The following NAV2 variants were observed in gnomAD, a reference collection of about 807,000 sequenced individuals.
NAV2 encodes the protein neuron navigator 2, also known as helicase, APC down-regulated 1.
In NAV2, 54 loss-of-function variants were observed where a neutral mutation model predicts 223.2. That is an observed-to-expected ratio of 0.24 (90% CI 0.19 to 0.30). NAV2 has a LOEUF of 0.30. Ranked by LOEUF, NAV2 falls within the 10% of genes least tolerant of loss-of-function variation. NAV2 has a pLI of 1.00. For missense variants in NAV2, 2,806 were observed against 3,147.5 expected (o/e 0.89, Z 2.60); for synonymous variants, 1,279 against 1,239.3 (o/e 1.03, Z -0.67).
chr11:19,407,240 G>T (rs1265969848), intron 1 of NAV2, among the ~76,000 whole-genome samples: 1 of 152,194 alleles, frequency 6.6e-6, no homozygotes. Flanking sequence ...AAACAAGGCA[G>T]CCCCTGCCTC....
At position 19,939,689 on chromosome 11, in the gene NAV2, A is replaced by T; in HGVS notation, c.2062A>T (p.Thr688Ser). 6.2e-7 allele frequency: 1 copy of T among 1,614,126 alleles called. No individual in the cohort carries two copies. The highest frequency in any genetic ancestry group is 1.1e-5 in the South Asian group (1 of 91,076). ...RSQTDTEGNV[T>S]AESSSTGVSV... The stretch of plus-strand genomic sequence containing the variant: ...TCAGACGGACACTGAAGGGAATGTT[A>T]CTGCCGAGTCAAGCTCAACAGGTGT... Residue 688 changes from threonine (T) to serine (S), a missense_variant, in exon 8 of 38, where the codon ACT becomes TCT. By Grantham distance (58) the Thr-to-Ser change is moderately conservative. Transcript: ENST00000349880.
intron 12 of NAV2, 106 bp from the exon 13 acceptor site, chr11:20,043,875 A>AT (rs1655720792): frequency 1.0e-6 from 1 of 986,448 alleles, no homozygotes; most frequent in Non-Finnish European, 1.5e-6. Context: ...AGTAATGCTT[A>AT]TTTTTCCCTT....
chr11:19,418,078 C>G (rs759839777), intron 1 of NAV2, among the ~76,000 whole-genome samples: 3 of 152,100 alleles, frequency 2.0e-5, no homozygotes, highest in African/African-American at 4.8e-5. Context: ...TGTAACAAAC[C>G]TGCATGTTCT....
At chr11:19,830,191 C>T (rs1347754712) in intron 1 of NAV2, among the ~76,000 whole-genome samples, 1 of 152,174 alleles carries the variant, frequency 6.6e-6, no homozygotes, top group Non-Finnish European at 1.5e-5. Context: ...CGCCACTGCA[C>T]TCCAGGCTGG....
chr11:19,446,692 A>G (rs1851596228), intron 1 of NAV2, among the ~76,000 whole-genome samples: 1 of 152,198 alleles, frequency 6.6e-6, no homozygotes, highest in Admixed American at 6.5e-5. Context: ...AGTCATCATT[A>G]ATGCAAACAG....
intron 1 of NAV2, among the ~76,000 whole-genome samples, chr11:19,412,986 G>C (rs566820959): frequency 3.3e-4 from 51 of 152,250 alleles, no homozygotes; most frequent in African/African-American, 1.1e-3. Context: ...GCACAAAAAG[G>C]CTGAAAATTC....
chr11:19,457,476 G>A (rs1291347779), intron 1 of NAV2, among the ~76,000 whole-genome samples: 1 of 152,218 alleles, frequency 6.6e-6, no homozygotes, highest in East Asian at 1.9e-4. Flanking sequence ...GGGCTGGGAA[G>A]AGGGATGGAG....
intron 1 of NAV2, among the ~76,000 whole-genome samples, chr11:19,736,278 T>A (rs2052293176): frequency 6.6e-6 from 1 of 152,224 alleles, no homozygotes; most frequent in Non-Finnish European, 1.5e-5. Context: ...CAGTTTCCAC[T>A]GCTGCTAGGA....
At chr11:19,498,144 G>T (rs1438050871) in intron 1 of NAV2, among the ~76,000 whole-genome samples, 2 of 152,308 alleles carry the variant, frequency 1.3e-5, no homozygotes, top group East Asian at 3.9e-4. Flanking sequence ...CTGCCCTGAT[G>T]GCTCCAGTCT....
At chr11:19,459,598 G>T (rs1852082814) in intron 1 of NAV2, among the ~76,000 whole-genome samples, 1 of 152,200 alleles carries the variant, frequency 6.6e-6, no homozygotes, top group Non-Finnish European at 1.5e-5. Context: ...TAGGACAGAT[G>T]TTTCCATAGA....
chr11:19,693,232 G>A lies in NAV2; in HGVS notation c.76-139252G>A, dbSNP rs922563492. On this transcript the variant is annotated intron_variant, in intron 1 of 37. Coordinates refer to the NAV2 transcript ENST00000360655. ...CTCTCACCCTCCACAGGGTCCCCTC[G>A]TGATGGGATGGGAGGGGATGCTGTG... Among the ~76,000 whole-genome samples, 6 of 152,244 alleles carry A rather than the reference G, an allele frequency of 3.9e-5. No homozygotes were observed. In the South Asian group the frequency reaches 6.2e-4, roughly 16 times the overall value.
intron 1 of NAV2, among the ~76,000 whole-genome samples, chr11:19,513,162 G>A (rs767272361): frequency 3.3e-5 from 5 of 152,188 alleles, no homozygotes; most frequent in Non-Finnish European, 5.9e-5. Context: ...TGCAGCAATG[G>A]TGATGTTATT....
chr11:19,411,745 T>C (rs1291801649), intron 1 of NAV2, among the ~76,000 whole-genome samples: 3 of 152,046 alleles, frequency 2.0e-5, no homozygotes, highest in Admixed American at 6.5e-5. Flanking sequence ...ATCCAAGAGA[T>C]GGAAGGAGAA....
At position 19,399,644 on chromosome 11, in the gene NAV2, A is replaced by G. The variant is rs534667229; in HGVS notation, c.75+48617A>G. ...TGGCAGACCCTGTGCTAAGTACTTA[A>G]TGTGTATTATGTCATTGATCCTCAA... On this transcript the variant is annotated intron_variant, in intron 1 of 37. Coordinates refer to the NAV2 transcript ENST00000360655. 9.8e-5 allele frequency among the ~76,000 whole-genome samples: 15 copies of G among 152,318 alleles called. No individual in the cohort carries two copies. The South Asian group carries it at 3.1e-3, about 32-fold the overall frequency.
chr11:20,079,925 G>A, intron 24 of NAV2, 139 bp from the exon 25 acceptor site: 1 of 812,682 alleles, frequency 1.2e-6, no homozygotes, highest in Non-Finnish European at 1.9e-6. Context: ...AGAAACAGCT[G>A]TAGGGATCAG....
chr11:19,592,436 T>C (rs1358755671), intron 1 of NAV2, among the ~76,000 whole-genome samples: 1 of 152,170 alleles, frequency 6.6e-6, no homozygotes, highest in Non-Finnish European at 1.5e-5. Flanking sequence ...CTCCATTTCC[T>C]GTCCTCCCAT....
intron 11 of NAV2, among the ~76,000 whole-genome samples, chr11:20,030,133 T>A (rs1322869757): frequency 6.6e-6 from 1 of 152,222 alleles, no homozygotes; most frequent in Non-Finnish European, 1.5e-5. Context: ...CCCAAGGTTG[T>A]CAAACACAAT....
rs575568852 is a variant in NAV2 at position 19,461,898 on chromosome 11, C to T, written c.75+110871C>T. On this transcript the variant is annotated intron_variant, in intron 1 of 37. Transcript: ENST00000360655. ...TCGCCTCACTGCACCCTCCGCCTCC[C>T]GGATTCCAGCAATTCTCCTGCCTCA... Among the ~76,000 whole-genome samples, 16 of 152,272 alleles carry T rather than the reference C, an allele frequency of 1.1e-4. No individual in the cohort carries two copies. In the South Asian group the frequency reaches 1.9e-3, roughly 18 times the overall value.
At chr11:20,015,233 C>A (rs1405864962) in intron 11 of NAV2, among the ~76,000 whole-genome samples, 1 of 152,162 alleles carries the variant, frequency 6.6e-6, no homozygotes, top group Non-Finnish European at 1.5e-5. Context: ...CATACTGTTC[C>A]CTGAAATACG....
Sources: allele counts gnomAD v4.1 joint callset (sites outside exome capture counted in the v4.1 genomes callset), GRCh38; gene constraint gnomAD v4.1.1; transcripts MANE v1.5; gene names NCBI Gene and HGNC (gene_info 2026-07-23, HGNC 2026-07-21).